The following PPP2R2C variants were observed in gnomAD, a reference collection of about 807,000 sequenced individuals.
PPP2R2C encodes protein phosphatase 2, regulatory subunit B, gamma.
In PPP2R2C, 10 loss-of-function variants were observed where a neutral mutation model predicts 45.3. The observed-to-expected ratio is 0.22, with a 90% CI of 0.14 to 0.37. PPP2R2C has a LOEUF of 0.37. PPP2R2C is among the 10% of genes least tolerant of loss of function. The pLI is 1.00. For missense variants in PPP2R2C, 308 were observed against 619.7 expected, an observed-to-expected ratio of 0.50 and a Z score of 5.34; for synonymous variants, 257 against 245.4, an observed-to-expected ratio of 1.05 and a Z score of -0.44.
At chr4:6,474,785 A>C (rs1186514624), upstream of PPP2R2C, among the ~76,000 whole-genome samples, 1 of 79,834 alleles carries the variant, frequency 1.3e-5, no homozygotes, top group African/African-American at 5.1e-5. Flanking sequence ...TGTCTCCTCC[A>C]TTTCCTGGAA....
chr4:6,509,439 A>T (rs1445298191), intron 2 of PPP2R2C, among the ~76,000 whole-genome samples: 1 of 152,152 alleles, frequency 6.6e-6, no homozygotes, highest in Non-Finnish European at 1.5e-5. Flanking sequence ...TTCAGAAATC[A>T]ATAACTGCAA....
At chr4:6,435,671 T>G (rs1346187083) in intron 1 of PPP2R2C, among the ~76,000 whole-genome samples, 1 of 152,236 alleles carries the variant, frequency 6.6e-6, no homozygotes, top group Admixed American at 6.5e-5. Context: ...ATCTAGTTCT[T>G]AGAAAACAGG....
chr4:6,357,548 T>G (rs1713319480), intron 5 of PPP2R2C, among the ~76,000 whole-genome samples: 1 of 152,236 alleles, frequency 6.6e-6, no homozygotes, highest in African/African-American at 2.4e-5. Context: ...GGATTTGCCC[T>G]GCCGCCCACA....
At chr4:6,509,599 G>A (rs1237934470) in intron 2 of PPP2R2C, among the ~76,000 whole-genome samples, 3 of 152,172 alleles carry the variant, frequency 2.0e-5, no homozygotes, top group Admixed American at 2.0e-4. Flanking sequence ...CATTTAAGTG[G>A]CTGTGTCTGC....
chr4:6,545,961 T>C (rs1233991386), intron 1 of PPP2R2C, among the ~76,000 whole-genome samples: 1 of 141,502 alleles, frequency 7.1e-6, no homozygotes, highest in Non-Finnish European at 1.6e-5. Flanking sequence ...GTTCCCTGGG[T>C]GGGGGGTGGG....
intron 1 of PPP2R2C, among the ~76,000 whole-genome samples, chr4:6,459,615 A>G (rs1721219889): frequency 6.6e-6 from 1 of 152,230 alleles, no homozygotes; most frequent in Non-Finnish European, 1.5e-5. Context: ...AATAAATATA[A>G]TAAAGGAAGT....
At chr4:6,353,373 A>ACACTG (rs1712761636) in intron 5 of PPP2R2C, among the ~76,000 whole-genome samples, 3 of 9,672 alleles carry the variant, frequency 3.1e-4, no homozygotes, top group East Asian at 3.6e-3. Flanking sequence ...CCCCCCAACC[A>ACACTG]ACAGCCCCCA....
intron 6 of PPP2R2C, among the ~76,000 whole-genome samples, chr4:6,337,519 C>T (rs1733072913): frequency 6.6e-6 from 1 of 152,106 alleles, no homozygotes; most frequent in Non-Finnish European, 1.5e-5. Flanking sequence ...GGCGGCCTCT[C>T]ACAGGCTGAC....
rs1322646652 is a variant in PPP2R2C at position 6,329,175 on chromosome 4, C to T, written c.1052+87G>A. 6.5e-5 allele frequency: 83 copies of T among 1,277,430 alleles called. No homozygotes were observed. The East Asian group carries it at 1.4e-3, about 21-fold the overall frequency. 79.1% of individuals were successfully genotyped at this position (1,277,430 alleles called of 1,614,324 possible). On this transcript the variant is annotated intron_variant, in intron 8 of 8. Transcript: ENST00000382599. The surrounding 1 kb of genome is among the most constrained non-coding windows in gnomAD (Gnocchi z 5.8). Reference sequence around the variant, plus strand: ...ATTGAGGCTGAGTAGCCCCATGCTGCGGGTCACCGGAATCCCAGCCCAGAC... The same window carrying T: ...ATTGAGGCTGAGTAGCCCCATGCTGTGGGTCACCGGAATCCCAGCCCAGAC...
chr4:6,542,677 T>G (rs779463777), intron 1 of PPP2R2C, among the ~76,000 whole-genome samples: 10 of 126,788 alleles, frequency 7.9e-5, no homozygotes, highest in Non-Finnish European at 9.5e-5. Flanking sequence ...GAACTCCCCT[T>G]GGGTGACAGA....
chr4:6,419,277 T>G (rs763577641), intron 1 of PPP2R2C, among the ~76,000 whole-genome samples: 1 of 151,770 alleles, frequency 6.6e-6, no homozygotes, highest in African/African-American at 2.4e-5. Flanking sequence ...CACACAAAAA[T>G]TAGGCAAGCG....
chr4:6,495,019 G>A (rs898304705), intron 2 of PPP2R2C, among the ~76,000 whole-genome samples: 8 of 152,220 alleles, frequency 5.3e-5, no homozygotes, highest in African/African-American at 1.9e-4. Flanking sequence ...TGGAGGAAGA[G>A]CAACTTGGGG....
intron 2 of PPP2R2C, among the ~76,000 whole-genome samples, chr4:6,512,236 G>A (rs1339118660): frequency 1.1e-5 from 1 of 93,354 alleles, no homozygotes; most frequent in African/African-American, 4.5e-5. Flanking sequence ...GGTGGTGATG[G>A]TGGGGGTGGT....
chr4:6,485,773 C>T (rs982053546), intron 2 of PPP2R2C, among the ~76,000 whole-genome samples: 2 of 152,044 alleles, frequency 1.3e-5, no homozygotes, highest in Admixed American at 1.3e-4. Context: ...CCTGGTCAGT[C>T]TGGCAAGAGG....
chr4:6,390,300 G>A (rs954562251), intron 1 of PPP2R2C, among the ~76,000 whole-genome samples: 14 of 152,238 alleles, frequency 9.2e-5, no homozygotes, highest in African/African-American at 3.1e-4. Flanking sequence ...ACATACAGCG[G>A]GGTCTCCCTA....
chr4:6,350,584 G>T (rs1234112716), intron 5 of PPP2R2C: 1 of 985,190 alleles, frequency 1.0e-6, no homozygotes, highest in East Asian at 1.1e-4. Flanking sequence ...TATAACTCAT[G>T]GGGCGCAGTG....
chr4:6,477,730 CAAAAAAAAA>C (rs5855918), intron 2 of PPP2R2C, among the ~76,000 whole-genome samples: 1 of 77,086 alleles, frequency 1.3e-5, no homozygotes, highest in Admixed American at 1.5e-4. Flanking sequence ...GACTCCGTCT[CAAAAAAAAA>C]AAAAAAAAAA....
intron 1 of PPP2R2C, among the ~76,000 whole-genome samples, chr4:6,390,681 C>A (rs890156029): frequency 1.3e-5 from 2 of 152,160 alleles, no homozygotes; most frequent in African/African-American, 4.8e-5. Flanking sequence ...GACCTCATTC[C>A]GGGCCAGGGA....
chr4:6,518,190 T>C (rs1195170663), intron 2 of PPP2R2C, among the ~76,000 whole-genome samples: 1 of 152,180 alleles, frequency 6.6e-6, no homozygotes. Context: ...TGAATGTACA[T>C]ATTAGAAAAG....
Sources: allele counts gnomAD v4.1 joint callset (sites outside exome capture counted in the v4.1 genomes callset), GRCh38; gene constraint gnomAD v4.1.1; non-coding constraint Gnocchi (gnomAD v3.1); transcripts MANE v1.5; gene names NCBI Gene and HGNC (gene_info 2026-07-23, HGNC 2026-07-21).